Variants in DDX47 observed in about 807,000 individuals in gnomAD.
DDX47 encodes the protein DEAD-box helicase 47.
DDX47 carries 60 observed loss-of-function variants against 58.8 expected under a neutral mutation model. The ratio of observed to expected loss-of-function variants is 1.02; its 90% confidence interval spans 0.83 to 1.26. The LOEUF (loss-of-function observed/expected upper bound fraction) is 1.26, where lower values mean the gene tolerates loss of function less well. Among genes scored for constraint, DDX47 ranks in the 50% most tolerant of loss-of-function variants. The pLI, the probability that DDX47 is intolerant of heterozygous loss-of-function variation, is 0.00. For missense variants in DDX47, 530 were observed against 573.2 expected (o/e 0.92, Z 0.77); for synonymous variants, 197 against 204.6 (o/e 0.96, Z 0.32).
chr12:12,822,983 C>G (rs566944356), intron 6 of DDX47, among the ~76,000 whole-genome samples: 1 of 152,104 alleles, frequency 6.6e-6, no homozygotes, highest in Non-Finnish European at 1.5e-5. Flanking sequence ...GGGGGCAGTG[C>G]CACACTTTAA....
intron 7 of DDX47, 194 bp from the exon 8 acceptor site, chr12:12,823,676 C>T: frequency 1.7e-6 from 1 of 604,988 alleles, no homozygotes; most frequent in Non-Finnish European, 2.9e-6. Flanking sequence ...GATCTCCTGC[C>T]TGCCTTAAGG....
At chr12:12,822,799 A>T in intron 6 of DDX47, 67 bp downstream of exon 6, 2 of 1,334,210 alleles carry the variant, frequency 1.5e-6, no homozygotes, top group Non-Finnish European at 2.1e-6. Flanking sequence ...TAGTAATAAC[A>T]ATAAGGAAAA....
In DDX47 at chr12:12,814,148, G is replaced by T; in HGVS notation, c.105G>T (p.Leu35Phe). ...ATTCCAAGGGTGTGACAGATGTGTT[G>T]TGTGAAGCTTGTGACCAGTTGGGAT... ...TFKDLGVTDV[L>F]CEACDQLGWT... Residue 35 changes from leucine to phenylalanine, a missense_variant, in exon 2 of 12, where the codon TTG becomes TTT. Physicochemically the swap from Leu to Phe is conservative, Grantham distance 22. Transcript: ENST00000358007. 15 of 1,613,422 alleles carry T rather than the reference G, an allele frequency of 9.3e-6. No individual in the cohort carries two copies. The highest frequency in any genetic ancestry group is 1.3e-5 in the Non-Finnish European group (15 of 1,179,378).
At chr12:12,825,714 C>T (rs1342217143) in intron 9 of DDX47, among the ~76,000 whole-genome samples, 1 of 152,142 alleles carries the variant, frequency 6.6e-6, no homozygotes, top group Non-Finnish European at 1.5e-5. Flanking sequence ...CCTCGAGATC[C>T]AGTGCTGTTT....
At chr12:12,823,807 G>T (rs1297796622) in intron 7 of DDX47, 63 bp from the exon 8 acceptor site, 10 of 1,520,198 alleles carry the variant, frequency 6.6e-6, no homozygotes, top group Non-Finnish European at 8.1e-6. Context: ...TTATGTATAT[G>T]CCAGGTCTCC....
At chr12:12,821,812 A>C (rs1000556607) in intron 4 of DDX47, 86 bp downstream of exon 4, 14 of 1,307,396 alleles carry the variant, frequency 1.1e-5, no homozygotes, top group Admixed American at 2.0e-5. Flanking sequence ...TTTGAGAAAC[A>C]GATTTTGTAA....
At chr12:12,823,833 G>C (rs1419296321) in intron 7 of DDX47, 37 bp from the exon 8 acceptor site, 2 of 1,601,678 alleles carry the variant, frequency 1.2e-6, no homozygotes, top group South Asian at 1.1e-5. Flanking sequence ...TGTCTCCCAG[G>C]TTCAATGACA....
chr12:12,818,009 G>A (rs958815140), intron 2 of DDX47, among the ~76,000 whole-genome samples: 2 of 152,146 alleles, frequency 1.3e-5, no homozygotes, highest in South Asian at 2.1e-4. Flanking sequence ...TGCTGTTCCC[G>A]AAGGTGTATT....
At chr12:12,827,424 G>C (rs1405034924) in intron 11 of DDX47, 49 bp downstream of exon 11, 3 of 1,597,598 alleles carry the variant, frequency 1.9e-6, no homozygotes, top group Admixed American at 3.5e-5. Flanking sequence ...AATGTTAACT[G>C]TGTGCCACTT....
chr12:12,814,508 G>A (rs960892), intron 2 of DDX47: 245,762 of 336,030 alleles, frequency 0.73, 91,529 homozygotes, highest in African/African-American at 0.91. Context: ...TTATGCATCA[G>A]TGGGCGCACA....
At chr12:12,821,117 C>T (rs1010958697) in intron 2 of DDX47, 91 bp from the exon 3 acceptor site, 67 of 1,279,120 alleles carry the variant, frequency 5.2e-5, no homozygotes, top group South Asian at 3.8e-4. Flanking sequence ...ATTTATTAAG[C>T]GTCTACTTTG....
intron 10 of DDX47, among the ~76,000 whole-genome samples, chr12:12,826,888 G>T (rs575995412): frequency 4.6e-4 from 70 of 152,188 alleles, no homozygotes; most frequent in Admixed American, 1.9e-3. Context: ...CTCCTGAATG[G>T]CTGGGATTAC....
At chr12:12,828,820 AAT>A (rs530360338) in intron 11 of DDX47, among the ~76,000 whole-genome samples, 129 of 152,356 alleles carry the variant, frequency 8.5e-4, no homozygotes, top group Non-Finnish European at 1.7e-3. Flanking sequence ...GACTTTATCT[AAT>A]TATATAGGAT....
intron 2 of DDX47, among the ~76,000 whole-genome samples, chr12:12,820,042 C>CA (rs145361664): frequency 0.23 from 35,476 of 152,164 alleles, 5,209 homozygotes; most frequent in Non-Finnish European, 0.34. Flanking sequence ...AGCAGTTACA[C>CA]AGTCAGAACA....
Position 12,829,598 on chromosome 12 carries a change from A to G in DDX47, c.*44A>G, listed in dbSNP as rs1415540305. 1 of 1,599,522 alleles carries G rather than the reference A, an allele frequency of 6.3e-7. No homozygotes were observed. The highest frequency in any genetic ancestry group is 8.5e-7 in the Non-Finnish European group (1 of 1,173,824). Reference sequence around the variant, plus strand: ...GAGTTCTGCTGTTCTGTAAAAGAGAATTGGAGAATGAAACCTGCTCCAACA... The same window carrying G: ...GAGTTCTGCTGTTCTGTAAAAGAGAGTTGGAGAATGAAACCTGCTCCAACA... On this transcript the variant is annotated 3_prime_UTR_variant, in exon 12 of 12. Coordinates refer to ENST00000358007, the MANE Select transcript of DDX47 (RefSeq NM_016355.4).
intron 2 of DDX47, chr12:12,820,313 T>C (rs1318007755): frequency 2.0e-5 from 3 of 152,230 alleles, no homozygotes; most frequent in Admixed American, 6.5e-5. Context: ...CTCCTCCTTA[T>C]GCCATCAGGT....
At chr12:12,822,521 A>C (rs184565892) in intron 5 of DDX47, 140 bp from the exon 6 acceptor site, 1 of 653,174 alleles carries the variant, frequency 1.5e-6, no homozygotes, top group East Asian at 2.7e-5. Context: ...ACTTTAGCTG[A>C]ATCAAATTGA....
intron 8 of DDX47, 171 bp downstream of exon 8, chr12:12,824,187 G>A (rs1863016095): frequency 2.5e-6 from 2 of 799,444 alleles, no homozygotes; most frequent in South Asian, 2.1e-5. Flanking sequence ...TCCTTTCAGG[G>A]TAGCGAGAGG....
intron 9 of DDX47, chr12:12,825,018 A>C (rs1405625768): frequency 5.7e-6 from 1 of 174,848 alleles, no homozygotes; most frequent in Non-Finnish European, 1.2e-5. Flanking sequence ...GTCTGCACCC[A>C]GTCTGGAGTG....
Sources: allele counts gnomAD v4.1 joint callset (sites outside exome capture counted in the v4.1 genomes callset), GRCh38; gene constraint gnomAD v4.1.1; transcripts MANE v1.5; gene names NCBI Gene and HGNC (gene_info 2026-07-23, HGNC 2026-07-21).